Variants in NCOA3 observed in about 807,000 individuals in gnomAD.
NCOA3 encodes CBP-interacting protein.
In NCOA3, 51 loss-of-function variants were observed where a neutral mutation model predicts 158.8. The observed-to-expected ratio is 0.32, with a 90% CI of 0.26 to 0.41. NCOA3 has a LOEUF of 0.41. Among genes scored for constraint, NCOA3 ranks in the 10% least tolerant of loss-of-function variants. The pLI is 1.00. For missense variants in NCOA3, 1,510 were observed against 1,746.6 expected, an observed-to-expected ratio of 0.86 and a Z score of 2.41; for synonymous variants, 537 against 592.4, an observed-to-expected ratio of 0.91 and a Z score of 1.36.
rs148634537 is a variant in NCOA3, at chr20:47,652,469, C to T, written c.4010C>T (p.Ser1337Leu). ...TCTAGTCCTCCCAATGCAATGATGT[C>T]GTCAAGAATGGGTCCCTCCCAGAAT... ...RVSSPPNAMM[S>L]SRMGPSQNPM... Residue 1337 changes from serine to leucine, a missense_variant, in exon 21 of 23, where the codon TCG becomes TTG. Coordinates refer to ENST00000371998, the MANE Select transcript of NCOA3 (RefSeq NM_181659.3). 30 of 1,613,806 alleles carry T rather than the reference C, an allele frequency of 1.9e-5. No homozygotes were observed. In the East Asian group the frequency reaches 2.7e-4, roughly 14 times the overall value.
intron 2 of NCOA3, among the ~76,000 whole-genome samples, chr20:47,584,325 A>G (rs1267641016): frequency 1.3e-5 from 2 of 152,132 alleles, no homozygotes; most frequent in Non-Finnish European, 2.9e-5. Flanking sequence ...AAATAATTAA[A>G]AAGGAAAGAC....
intron 2 of NCOA3, among the ~76,000 whole-genome samples, chr20:47,593,434 C>T (rs923666135): frequency 8.0e-5 from 12 of 149,532 alleles, no homozygotes; most frequent in South Asian, 4.2e-4. Context: ...CTCCACCTCC[C>T]GGGTTCACTC....
At chr20:47,633,176 C>T (rs1270936914) in intron 8 of NCOA3, among the ~76,000 whole-genome samples, 1 of 152,118 alleles carries the variant, frequency 6.6e-6, no homozygotes, top group Admixed American at 6.5e-5. Context: ...GAGGTGTGTT[C>T]CAAAGGGGCT....
rs1469594996 is a variant in NCOA3 at position 47,652,257 on chromosome 20, G to A, written c.3947-149G>A. 14 of 542,750 alleles carry A rather than the reference G, an allele frequency of 2.6e-5. No homozygotes were observed. The East Asian group carries it at 3.7e-4, about 14-fold the overall frequency. 33.6% of individuals were successfully genotyped at this position (542,750 alleles called of 1,614,324 possible). ...GTGAGAATCTAGAATACCTGGGGGGGCAGCATCTTATAGCACTCTGTATCT... is the reference window on the plus strand; with the variant it reads ...GTGAGAATCTAGAATACCTGGGGGGACAGCATCTTATAGCACTCTGTATCT... On this transcript the variant is annotated intron_variant, in intron 20 of 22. Transcript: ENST00000371998.
chr20:47,570,813 T>C (rs978274382), intron 1 of NCOA3, among the ~76,000 whole-genome samples: 2 of 151,558 alleles, frequency 1.3e-5, no homozygotes, highest in African/African-American at 4.8e-5. Context: ...TTAAAATTGC[T>C]CCATAATCCA....
At chr20:47,520,501 G>A (rs1239751575) in intron 1 of NCOA3, among the ~76,000 whole-genome samples, 3 of 152,126 alleles carry the variant, frequency 2.0e-5, no homozygotes, top group Admixed American at 2.0e-4. Context: ...CCTTACTACC[G>A]GAGGTTTGTG....
intron 10 of NCOA3, 134 bp from the exon 11 acceptor site, chr20:47,635,188 C>A: frequency 1.2e-6 from 1 of 847,626 alleles, no homozygotes; most frequent in Non-Finnish European, 1.7e-6. Context: ...CTCAGCTTCC[C>A]AAAGTGCTGG....
At chr20:47,526,122 G>A (rs1263836037) in intron 1 of NCOA3, among the ~76,000 whole-genome samples, 1 of 149,976 alleles carries the variant, frequency 6.7e-6, no homozygotes, top group African/African-American at 2.5e-5. Flanking sequence ...CATCCCGGAC[G>A]GGGCGGCAGG....
In NCOA3 at chr20:47,651,000, C is replaced by A. The variant is rs763852130; in HGVS notation, c.3670C>A (p.Gln1224Lys). The change falls in exon 20 of 23, where the codon CAA becomes AAA. Residue 1224 changes from glutamine to lysine, a missense_variant. Physicochemically the swap from Gln to Lys is moderately conservative, Grantham distance 53. Around this residue, in one of 4 missense-constraint regions of NCOA3, gnomAD observed 1,017 missense variants for 1,098.3 expected, o/e 0.93. Coordinates refer to ENST00000371998, the MANE Select transcript of NCOA3 (RefSeq NM_181659.3). ...GTATTAGCAGGGTTTTCTTAATGCT[C>A]AAATGGTCGCCCAACGCAGCAGAGA... ...VSSQQGFLNAQMVAQRSRELL... is the reference protein window; with the variant it reads ...VSSQQGFLNAKMVAQRSRELL... 1.4e-5 allele frequency: 23 copies of A among 1,613,756 alleles called. No homozygotes were observed. Among genetic ancestry groups the A allele is most frequent in the Non-Finnish European group, 1.9e-5 (23 of 1,179,798 alleles).
chr20:47,544,335 T>TCC (rs2084793970), intron 1 of NCOA3, among the ~76,000 whole-genome samples: 1 of 111,290 alleles, frequency 9.0e-6, no homozygotes, highest in African/African-American at 4.9e-5. Context: ...TTTTTTTTTT[T>TCC]TTCCCTTAAA....
At position 47,542,028 on chromosome 20, in the gene NCOA3, T is replaced by TTTGTTGTTG. The variant is rs1555802260; in HGVS notation, c.-99+40019_-99+40027dup. Among the ~76,000 whole-genome samples, 54 of 81,734 alleles carry TTTGTTGTTG rather than the reference T, an allele frequency of 6.6e-4. 1 individual carries two copies. Among genetic ancestry groups the TTTGTTGTTG allele is most frequent in the Middle Eastern group, 0.018 (2 of 110 alleles). 53.6% of individuals were successfully genotyped at this position (81,734 alleles called of 152,430 possible). ...TGTAGAGTTTTTTTTTTTTTTTTTT[T>TTTGTTGTTG]TTGTTGTTGTTGTTGTTGGAGGGAC... is the stretch of plus-strand genomic sequence containing the variant. On this transcript the variant is annotated intron_variant, in intron 1 of 22. Coordinates refer to ENST00000371998, the MANE Select transcript of NCOA3 (RefSeq NM_181659.3).
intron 19 of NCOA3, among the ~76,000 whole-genome samples, chr20:47,650,618 C>T (rs2086766864): frequency 6.6e-6 from 1 of 151,766 alleles, no homozygotes; most frequent in Admixed American, 6.6e-5. Context: ...AATTTAAGCA[C>T]TTCGGGAGGC....
intron 1 of NCOA3, among the ~76,000 whole-genome samples, chr20:47,531,253 C>T (rs1302198031): frequency 4.6e-5 from 7 of 152,186 alleles, no homozygotes; most frequent in African/African-American, 1.7e-4. Context: ...GCAGAAGAAT[C>T]GCTTGAACTC....
intron 1 of NCOA3, among the ~76,000 whole-genome samples, chr20:47,506,585 G>A (rs2084034802): frequency 6.6e-6 from 1 of 152,170 alleles, no homozygotes; most frequent in African/African-American, 2.4e-5. Flanking sequence ...GTTTACAGTG[G>A]GGGGCAGTAA....
At position 47,653,661 on chromosome 20, in the gene NCOA3, T is replaced by A. The variant is rs77034911; in HGVS notation, c.*244T>A. On this transcript the variant is annotated 3_prime_UTR_variant, in exon 23 of 23. Transcript: ENST00000371998. ...TGGTGTTCAAAACAGAAATGTTTTT[T>A]GGCATTCCACCTCCTAGGGATATAA... 917 of 508,370 alleles carry A rather than the reference T, an allele frequency of 1.8e-3. 8 individuals carry two copies. Among genetic ancestry groups the A allele is most frequent in the African/African-American group, 0.016 (838 of 52,036 alleles). The allele number at this position is 508,370 out of a possible 1,614,324, so 31.5% of individuals were successfully genotyped here.
At chr20:47,553,431 G>A (rs1371992358) in intron 1 of NCOA3, among the ~76,000 whole-genome samples, 1 of 151,388 alleles carries the variant, frequency 6.6e-6, no homozygotes, top group Non-Finnish European at 1.5e-5. Flanking sequence ...AAGTTTTAGG[G>A]TACATGTGCA....
rs1029255072 is a variant in NCOA3, at chr20:47,505,790, G to A, written c.-99+3771G>A. 1.2e-3 allele frequency among the ~76,000 whole-genome samples: 176 copies of A among 143,504 alleles called. 1 individual carries two copies. Among genetic ancestry groups the A allele is most frequent in the Non-Finnish European group, 2.1e-3 (142 of 66,928 alleles). 94.1% of individuals were successfully genotyped at this position (143,504 alleles called of 152,430 possible). A position where few individuals can be genotyped will look rare whatever the true frequency, so the allele number is the denominator to read the frequency against. ...GATTGAGTGCTGCAGTAAAATGTAG[G>A]CATTTTCTCCTTTTTTTTTTTTTTT... is the stretch of plus-strand genomic sequence containing the variant. On this transcript the variant is annotated intron_variant, in intron 1 of 22. Coordinates refer to ENST00000371998, the MANE Select transcript of NCOA3 (RefSeq NM_181659.3).
At chr20:47,596,715 AGCTGGGACTACAGGC>A (rs1368790908) in intron 2 of NCOA3, among the ~76,000 whole-genome samples, 7 of 152,188 alleles carry the variant, frequency 4.6e-5, no homozygotes, top group African/African-American at 1.7e-4. Flanking sequence ...CCTCTTGAGT[AGCTGGGACTACAGGC>A]GCTTGCCACC....
At chr20:47,595,643 A>T (rs1286493841) in intron 2 of NCOA3, among the ~76,000 whole-genome samples, 1 of 152,156 alleles carries the variant, frequency 6.6e-6, no homozygotes, top group East Asian at 1.9e-4. Context: ...TCCATGAAAA[A>T]AATAAAATAT....
Sources: allele counts gnomAD v4.1 joint callset (sites outside exome capture counted in the v4.1 genomes callset), GRCh38; gene constraint gnomAD v4.1.1; regional missense constraint gnomAD v4.1.1; transcripts MANE v1.5; gene names NCBI Gene and HGNC (gene_info 2026-07-23, HGNC 2026-07-21).